JAK1: variants seen among roughly 807,000 people sequenced by gnomAD.
JAK1 encodes tyrosine-protein kinase JAK1.
A neutral mutation model predicts 136.6 loss-of-function variants in JAK1; 16 were observed. That is an observed-to-expected ratio of 0.12 (90% CI 0.08 to 0.18). The LOEUF (loss-of-function observed/expected upper bound fraction) is 0.18, where lower values mean the gene tolerates loss of function less well. Among genes scored for constraint, JAK1 ranks in the 10% least tolerant of loss-of-function variants. The probability of loss-of-function intolerance (pLI) is 1.00; values close to 1 mark genes in which losing one functional copy is unlikely to be tolerated. For missense variants in JAK1, 859 were observed against 1,450.1 expected (o/e 0.59, Z 6.62); for synonymous variants, 492 against 519.5 (o/e 0.95, Z 0.72).
chr1:64,946,699 T>C (rs1645993745), intron 1 of JAK1, among the ~76,000 whole-genome samples: 1 of 152,180 alleles, frequency 6.6e-6, no homozygotes, highest in South Asian at 2.1e-4. Flanking sequence ...AAATGAGAGT[T>C]ATCCAAAAAA....
chr1:65,023,381 C>G (rs893926337), intron 2 of JAK1, among the ~76,000 whole-genome samples: 1 of 152,166 alleles, frequency 6.6e-6, no homozygotes, highest in African/African-American at 2.4e-5. Flanking sequence ...CAAGCCTGAG[C>G]CAACATGCTT....
At chr1:64,892,947 A>C (rs1464065297) in intron 1 of JAK1, among the ~76,000 whole-genome samples, 1 of 152,142 alleles carries the variant, frequency 6.6e-6, no homozygotes, top group East Asian at 1.9e-4. Context: ...CAAGACTAAC[A>C]TATACACGGG....
chr1:65,010,814 T>G (rs907219014), intron 2 of JAK1, among the ~76,000 whole-genome samples: 2 of 151,962 alleles, frequency 1.3e-5, no homozygotes, highest in Non-Finnish European at 2.9e-5. Flanking sequence ...TAAAAAAAAG[T>G]AGTAAATAAA....
At chr1:64,920,477 G>C (rs1024490589) in intron 1 of JAK1, among the ~76,000 whole-genome samples, 2 of 152,180 alleles carry the variant, frequency 1.3e-5, no homozygotes, top group African/African-American at 4.8e-5. Flanking sequence ...CTAGGAAGCA[G>C]AGATTGGAAA....
intron 2 of JAK1, among the ~76,000 whole-genome samples, chr1:65,006,290 G>A (rs1646803389): frequency 6.6e-6 from 1 of 152,178 alleles, no homozygotes; most frequent in Non-Finnish European, 1.5e-5. Context: ...ATCTGAATTT[G>A]AAAATATCTT....
intron 13 of JAK1, 57 bp downstream of exon 13, chr1:64,847,475 T>G (rs1392109637): frequency 1.2e-6 from 2 of 1,601,320 alleles, no homozygotes; most frequent in Middle Eastern, 1.9e-4. Context: ...CCCATTGTGT[T>G]CCACTGGCTC....
chr1:65,053,597 T>A (rs771818766), intron 1 of JAK1, among the ~76,000 whole-genome samples: 26 of 152,190 alleles, frequency 1.7e-4, no homozygotes, highest in Admixed American at 3.9e-4. Flanking sequence ...AGGCCTGTAA[T>A]CCCAGCACTT....
chr1:64,931,606 A>G (rs1371338293), intron 1 of JAK1, among the ~76,000 whole-genome samples: 1 of 152,058 alleles, frequency 6.6e-6, no homozygotes, highest in African/African-American at 2.4e-5. Flanking sequence ...AGGAGCTCAG[A>G]CCAGCATTCA....
intron 1 of JAK1, among the ~76,000 whole-genome samples, chr1:64,954,023 A>G (rs1384887251): frequency 6.6e-6 from 1 of 152,182 alleles, no homozygotes; most frequent in Non-Finnish European, 1.5e-5. Context: ...TTGTATAGAC[A>G]CATCAAGGCA....
chr1:64,907,974 G>C (rs763598330), intron 1 of JAK1, among the ~76,000 whole-genome samples: 1 of 151,944 alleles, frequency 6.6e-6, no homozygotes, highest in Non-Finnish European at 1.5e-5. Context: ...CATATTTTTC[G>C]AATATGGAAC....
chr1:64,952,706 T>C (rs746427262), intron 1 of JAK1, among the ~76,000 whole-genome samples: 2 of 152,068 alleles, frequency 1.3e-5, no homozygotes, highest in Non-Finnish European at 2.9e-5. Context: ...TAACAGAAGA[T>C]AAGAAAGAGA....
intron 2 of JAK1, among the ~76,000 whole-genome samples, chr1:65,010,956 C>T (rs1289581198): frequency 6.6e-6 from 1 of 152,132 alleles, no homozygotes; most frequent in African/African-American, 2.4e-5. Context: ...CCACTGCACT[C>T]CAACCTGGGT....
intron 2 of JAK1, among the ~76,000 whole-genome samples, chr1:64,999,156 A>G (rs1557751042): frequency 6.6e-6 from 1 of 152,186 alleles, no homozygotes; most frequent in Non-Finnish European, 1.5e-5. Context: ...TAATTTCATC[A>G]TGACCTTGAA....
intron 11 of JAK1, 145 bp from the exon 12 acceptor site, chr1:64,851,055 A>AT: frequency 3.1e-6 from 2 of 642,916 alleles, no homozygotes; most frequent in Non-Finnish European, 5.7e-6. Context: ...CAATAGGCAT[A>AT]TGGCTCCTAC....
At chr1:65,024,660 C>CAAAAAAAAA (rs11349903) in intron 2 of JAK1, among the ~76,000 whole-genome samples, 4 of 69,850 alleles carry the variant, frequency 5.7e-5, no homozygotes, top group Non-Finnish European at 9.1e-5. Context: ...TGGTCCAAAG[C>CAAAAAAAAA]AAAAAAAAAA....
intron 4 of JAK1, among the ~76,000 whole-genome samples, chr1:64,877,405 C>G (rs1644690253): frequency 6.6e-6 from 1 of 152,034 alleles, no homozygotes; most frequent in South Asian, 2.1e-4. Flanking sequence ...GGTACAGAGT[C>G]AAGGTGCTAA....
intron 1 of JAK1, among the ~76,000 whole-genome samples, chr1:64,933,531 A>G (rs762479636): frequency 1.3e-5 from 2 of 152,174 alleles, no homozygotes; most frequent in African/African-American, 2.4e-5. Context: ...CAATGCCCCA[A>G]TACTACCTGC....
chr1:64,943,390 C>T (rs1381989946), intron 1 of JAK1, among the ~76,000 whole-genome samples: 1 of 152,154 alleles, frequency 6.6e-6, no homozygotes, highest in Non-Finnish European at 1.5e-5. Flanking sequence ...GACCTTGTGA[C>T]TCTAATGCCC....
rs908527369 is a variant in JAK1 at position 64,984,493 on chromosome 1, A to G, written c.-78+59987T>C. ...AAGCTCCAGTCTTGTTGAGGGAGAAAGGAATCAAGTAGCAGCATTCAGAAG... is the reference window on the plus strand; with the variant it reads ...AAGCTCCAGTCTTGTTGAGGGAGAAGGGAATCAAGTAGCAGCATTCAGAAG... On this transcript the variant is annotated intron_variant, in intron 2 of 25. Transcript: ENST00000671954. The surrounding 1 kb of genome is among the most constrained non-coding windows in gnomAD (Gnocchi z 4.1). The G allele has an allele frequency of 3.8e-6, 1 of 259,790 alleles. No individual in the cohort carries two copies. The highest frequency in any genetic ancestry group is 8.1e-6 in the Non-Finnish European group (1 of 123,154). 16.1% of individuals were successfully genotyped at this position (259,790 alleles called of 1,614,324 possible). A position where few individuals can be genotyped will look rare whatever the true frequency, so the allele number is the denominator to read the frequency against.
Sources: allele counts gnomAD v4.1 joint callset (sites outside exome capture counted in the v4.1 genomes callset), GRCh38; gene constraint gnomAD v4.1.1; non-coding constraint Gnocchi (gnomAD v3.1); transcripts MANE v1.5; gene names NCBI Gene and HGNC (gene_info 2026-07-23, HGNC 2026-07-21).